The following PHACTR2 variants were observed in gnomAD, a reference collection of about 807,000 sequenced individuals.
PHACTR2 encodes chromosome 6 open reading frame 56.
In PHACTR2, 30 loss-of-function variants were observed where a neutral mutation model predicts 76.0. That is an observed-to-expected ratio of 0.39 (90% confidence interval 0.30 to 0.54). PHACTR2 has a LOEUF of 0.54. Ranked by LOEUF, PHACTR2 falls within the 20% of genes least tolerant of loss-of-function variation. PHACTR2 has a pLI of 0.61. For missense variants in PHACTR2, 696 were observed against 781.1 expected, an observed-to-expected ratio of 0.89 and a Z score of 1.30; for synonymous variants, 292 against 292.5, an observed-to-expected ratio of 1.00 and a Z score of 0.02.
At position 143,627,709 on chromosome 6, in the gene PHACTR2, C is replaced by G. The variant is rs998588115; in HGVS notation, c.13+19387C>G. Among the ~76,000 whole-genome samples the G allele has an allele frequency of 1.3e-4, 20 of 151,750 alleles. No homozygotes were observed. Among genetic ancestry groups the G allele is most frequent in the Admixed American group, 1.2e-3 (19 of 15,236 alleles). On this transcript the variant is annotated intron_variant, in intron 1 of 11. Transcript: ENST00000305766. This position sits in a 1 kb window ranked among gnomAD's most constrained non-coding sequence, Gnocchi z 4.3. ...CTCCGCCTCCCAGGTTCAAGCGATT[C>G]TCCTGCCTCAGCCTCTCTAGTAGCT...
chr6:143,734,142 T>A (rs537527121), intron 2 of PHACTR2, among the ~76,000 whole-genome samples: 12 of 152,264 alleles, frequency 7.9e-5, no homozygotes, highest in African/African-American at 2.4e-4. Context: ...TAAAACCCAT[T>A]TATGGGAAAG....
rs147674913 is a variant in PHACTR2 at position 143,703,344 on chromosome 6, C to T, written c.47-8672C>T. On this transcript the variant is annotated intron_variant, in intron 1 of 12. Coordinates refer to ENST00000440869, the MANE Select transcript of PHACTR2 (RefSeq NM_001100164.2). ...GTGATTGTGAGTGCAATATCATTTA[C>T]ATTCTGTCTGTATGCCTCGAAAAAA... Among the ~76,000 whole-genome samples the T allele has an allele frequency of 2.1e-3, 323 of 152,186 alleles. 3 individuals carry two copies. In the East Asian group the frequency reaches 0.022, roughly 11 times the overall value.
chr6:143,612,554 ACTAT>A (rs1381910684), intron 1 of PHACTR2, among the ~76,000 whole-genome samples: 30 of 152,174 alleles, frequency 2.0e-4, no homozygotes, highest in African/African-American at 6.8e-4. Context: ...TCTTGGTCTT[ACTAT>A]CTATAATTTT....
chr6:143,663,726 T>A lies in PHACTR2; in HGVS notation c.14-48290T>A, dbSNP rs1451813747. ...AGTTTCTAAAAATGTGTGGGAGGGG[T>A]TTTTATTTCTGTTTTTAACTAGGTT... On this transcript the variant is annotated intron_variant, in intron 1 of 11. Transcript: ENST00000305766. This position sits in a 1 kb window ranked among gnomAD's most constrained non-coding sequence, Gnocchi z 4.1. Among the ~76,000 whole-genome samples the A allele has an allele frequency of 6.6e-6, 1 of 151,906 alleles. No individual in the cohort carries two copies. Among genetic ancestry groups the A allele is most frequent in the East Asian group, 1.9e-4 (1 of 5,196 alleles).
At chr6:143,714,636 A>C (rs778036936) in intron 2 of PHACTR2, among the ~76,000 whole-genome samples, 3 of 152,048 alleles carry the variant, frequency 2.0e-5, no homozygotes, top group Admixed American at 6.5e-5. Context: ...AATATCTTCA[A>C]CTCTGATTTA....
At chr6:143,773,975 A>G (rs1775213109) in intron 7 of PHACTR2, 84 bp from the exon 8 acceptor site, 3 of 1,197,504 alleles carry the variant, frequency 2.5e-6, no homozygotes, top group African/African-American at 1.5e-5. Context: ...TCTGGGCTCT[A>G]TTTAAAGTCC....
intron 1 of PHACTR2, among the ~76,000 whole-genome samples, chr6:143,544,160 T>C (rs1025416989): frequency 6.6e-6 from 1 of 151,566 alleles, no homozygotes; most frequent in African/African-American, 2.4e-5. Context: ...TGCCTTTTTG[T>C]GTAGGAACTA....
rs1776794886 is a variant in PHACTR2, at chr6:143,653,272, A to G, written c.13+44950A>G. Among the ~76,000 whole-genome samples the G allele has an allele frequency of 6.6e-6, 1 of 152,044 alleles. No individual in the cohort carries two copies. Among genetic ancestry groups the G allele is most frequent in the African/African-American group, 2.4e-5 (1 of 41,382 alleles). On this transcript the variant is annotated intron_variant, in intron 1 of 11. Coordinates refer to the PHACTR2 transcript ENST00000305766. The surrounding 1 kb of genome is among the most constrained non-coding windows in gnomAD (Gnocchi z 4.9). ...TAGTCAAGCTGTCACAAAGTTCATG[A>G]CTTGGTTTTTCCACTCTTGTAAAAT...
chr6:143,811,417 G>C lies in PHACTR2; in HGVS notation c.1922+4284G>C, dbSNP rs967639521. On this transcript the variant is annotated intron_variant, in intron 12 of 12. Coordinates refer to ENST00000440869, the MANE Select transcript of PHACTR2 (RefSeq NM_001100164.2). The surrounding 1 kb of genome is among the most constrained non-coding windows in gnomAD (Gnocchi z 4.1). ...TTATTTACTCATCTAGAGAAATTTAGTATATGCTTCTTGTATTTCATAAAA... is the reference window on the plus strand; with the variant it reads ...TTATTTACTCATCTAGAGAAATTTACTATATGCTTCTTGTATTTCATAAAA... 6.6e-6 allele frequency among the ~76,000 whole-genome samples: 1 copy of C among 151,920 alleles called. No homozygotes were observed. Among genetic ancestry groups the C allele is most frequent in the African/African-American group, 2.4e-5 (1 of 41,350 alleles).
chr6:143,678,217 C>G lies in PHACTR2; in HGVS notation c.46+8C>G. 6.7e-7 allele frequency: 1 copy of G among 1,499,474 alleles called. No individual in the cohort carries two copies. Among genetic ancestry groups the G allele is most frequent in the Non-Finnish European group, 8.9e-7 (1 of 1,124,994 alleles). The allele number at this position is 1,499,474 out of a possible 1,614,324, so 92.9% of individuals were successfully genotyped here. On this transcript the variant is annotated splice_region_variant and intron_variant, in intron 1 of 12. Coordinates refer to ENST00000440869, the MANE Select transcript of PHACTR2 (RefSeq NM_001100164.2). This position sits in a 1 kb window ranked among gnomAD's most constrained non-coding sequence, Gnocchi z 6.2. The stretch of plus-strand genomic sequence containing the variant: ...CCCCGCAGCCCGGCAGCGGTGAGTC[C>G]GGGGCGCACGCGATGCGCTCCCGCC...
chr6:143,654,646 A>G lies in PHACTR2; in HGVS notation c.13+46324A>G, dbSNP rs372943956. 6.6e-6 allele frequency among the ~76,000 whole-genome samples: 1 copy of G among 151,924 alleles called. No homozygotes were observed. Among genetic ancestry groups the G allele is most frequent in the African/African-American group, 2.4e-5 (1 of 41,342 alleles). On this transcript the variant is annotated intron_variant, in intron 1 of 11. Coordinates refer to the PHACTR2 transcript ENST00000305766. This position sits in a 1 kb window ranked among gnomAD's most constrained non-coding sequence, Gnocchi z 4.6. Reference sequence around the variant, plus strand: ...ATAGCAAGACTCCATCTCTACAAAAAGTAAAAAATTAGCCAAGCATGGTGG... The same window carrying G: ...ATAGCAAGACTCCATCTCTACAAAAGGTAAAAAATTAGCCAAGCATGGTGG...
Position 143,765,533 on chromosome 6 carries a change from G to A in PHACTR2, c.967G>A (p.Ala323Thr). The change falls in exon 6 of 13, where the codon GCT becomes ACT. Residue 323 changes from alanine to threonine, a missense_variant. Ala to Thr is a moderately conservative substitution (Grantham distance 58). Around this residue, in one of 2 missense-constraint regions of PHACTR2, gnomAD observed 460 missense variants for 450.9 expected, o/e 1.02. Transcript: ENST00000440869. The surrounding 1 kb of genome is among the most constrained non-coding windows in gnomAD (Gnocchi z 4.1). ...SFKLEQTVPG[A>T]EEQNTGKFKS... ...CAAACTCGAACAGACTGTCCCTGGA[G>A]CTGAGGAGCAGAACACAGGCAAATT... 6.2e-7 allele frequency: 1 copy of A among 1,614,232 alleles called. No individual in the cohort carries two copies. The highest frequency in any genetic ancestry group is 8.5e-7 in the Non-Finnish European group (1 of 1,180,038).
chr6:143,699,342 A>G (rs919636212), intron 1 of PHACTR2, among the ~76,000 whole-genome samples: 5 of 152,150 alleles, frequency 3.3e-5, no homozygotes, highest in Admixed American at 6.5e-5. Flanking sequence ...AACCTGCTTG[A>G]GTGTCCTTCA....
chr6:143,804,639 T>C (rs1776027491), intron 11 of PHACTR2, among the ~76,000 whole-genome samples: 1 of 152,226 alleles, frequency 6.6e-6, no homozygotes, highest in African/African-American at 2.4e-5. Context: ...TAGCACACAA[T>C]TTACAATTGT....
At chr6:143,649,349 G>A (rs1244464309) in intron 1 of PHACTR2, among the ~76,000 whole-genome samples, 1 of 152,146 alleles carries the variant, frequency 6.6e-6, no homozygotes, top group Non-Finnish European at 1.5e-5. Context: ...TATGAGGCCA[G>A]CATCATCCTG....
chr6:143,694,961 C>T (rs1777737763), intron 1 of PHACTR2, among the ~76,000 whole-genome samples: 1 of 152,174 alleles, frequency 6.6e-6, no homozygotes, highest in South Asian at 2.1e-4. Flanking sequence ...GCACACCCAC[C>T]TCCTCTAGGT....
chr6:143,771,196 A>G lies in PHACTR2; in HGVS notation c.1233-1062A>G, dbSNP rs9390134. Among the ~76,000 whole-genome samples the G allele has an allele frequency of 8.2e-3, 300 of 36,432 alleles. 2 individuals carry two copies. Among genetic ancestry groups the G allele is most frequent in the Non-Finnish European group, 0.01 (222 of 21,800 alleles). The allele number at this position is 36,432 out of a possible 152,430, so 23.9% of individuals were successfully genotyped here. On this transcript the variant is annotated intron_variant, in intron 6 of 12. Coordinates refer to ENST00000440869, the MANE Select transcript of PHACTR2 (RefSeq NM_001100164.2). ...TATGTATATATATATATATGTGTGTATATATATATATATATATATATATAT... is the reference window on the plus strand; with the variant it reads ...TATGTATATATATATATATGTGTGTGTATATATATATATATATATATATAT...
In PHACTR2 at chr6:143,641,532, G is replaced by C. The variant is rs1298975140; in HGVS notation, c.13+33210G>C. On this transcript the variant is annotated intron_variant, in intron 1 of 11. Coordinates refer to the PHACTR2 transcript ENST00000305766. The surrounding 1 kb of genome is among the most constrained non-coding windows in gnomAD (Gnocchi z 5.8). ...TTGTTGTTGTTGTTTTTGAGACAGA[G>C]TTTCGCTCTTGTTACCCAGGCTGGA... Among the ~76,000 whole-genome samples the C allele has an allele frequency of 2.0e-5, 3 of 152,128 alleles. No homozygotes were observed. Among genetic ancestry groups the C allele is most frequent in the Non-Finnish European group, 4.4e-5 (3 of 68,018 alleles).
At chr6:143,792,721 G>A (rs976411128) in intron 11 of PHACTR2, among the ~76,000 whole-genome samples, 3 of 152,126 alleles carry the variant, frequency 2.0e-5, no homozygotes, top group Non-Finnish European at 2.9e-5. Flanking sequence ...CTCAGAGACT[G>A]GGCTCAATTC....
Sources: gnomAD v4.1 joint callset for allele counts (sites outside exome capture counted in the v4.1 genomes callset) on GRCh38, gnomAD v4.1.1 for gene constraint, gnomAD v4.1.1 regional missense constraint, Gnocchi (gnomAD v3.1) non-coding constraint, MANE v1.5 for transcripts, NCBI Gene and HGNC (gene_info 2026-07-23, HGNC 2026-07-21) for gene names.